TEKT1: variants seen among roughly 807,000 people sequenced by gnomAD.
TEKT1 encodes tektin 1.
TEKT1 carries 32 observed loss-of-function variants against 34.8 expected under a neutral mutation model. The ratio of observed to expected loss-of-function variants is 0.92; its 90% CI spans 0.69 to 1.23. The LOEUF is 1.23. TEKT1 is among the 50% of genes most tolerant of loss of function. The pLI is 0.00. For synonymous variants in TEKT1, 207 were observed against 199.8 expected (o/e 1.04, Z -0.30); for missense variants, 492 against 518.5 (o/e 0.95, Z 0.50).
chr17:6,802,545 A>C (rs994283792), intron 6 of TEKT1, among the ~76,000 whole-genome samples: 1 of 151,622 alleles, frequency 6.6e-6, no homozygotes, highest in African/African-American at 2.4e-5. Flanking sequence ...GGTTTGTTAC[A>C]TATGTATACA....
At chr17:6,813,084 C>A in intron 5 of TEKT1, 31 bp from the exon 6 acceptor site, 79 of 1,552,982 alleles carry the variant, frequency 5.1e-5, no homozygotes, top group Non-Finnish European at 6.4e-5. Context: ...TCATTCACAG[C>A]ATATTTGGGG....
rs1976950123 is a variant in TEKT1, at chr17:6,813,015, G to A, written c.668C>T (p.Thr223Ile). 6.2e-7 allele frequency: 1 copy of A among 1,613,996 alleles called. No individual in the cohort carries two copies. The highest frequency in any genetic ancestry group is 8.5e-7 in the Non-Finnish European group (1 of 1,180,034). Reference sequence around the variant, plus strand: ...CTGCTTGTCAGCCTTCTCCACATTGGTGCTGGAGAAGTCCAACCAGTCTTC... The same window carrying A: ...CTGCTTGTCAGCCTTCTCCACATTGATGCTGGAGAAGTCCAACCAGTCTTC... ...SLEDWLDFSS[T>I]NVEKADKQRN... Residue 223 changes from threonine to isoleucine, a missense_variant, in exon 6 of 8, where the codon ACC (threonine) becomes ATC (isoleucine). Coordinates refer to ENST00000338694, the MANE Select transcript of TEKT1 (RefSeq NM_053285.2).
At position 6,808,265 on chromosome 17, in the gene TEKT1, C is replaced by T. The variant is rs1378503322; in HGVS notation, c.852+4566G>A. The stretch of plus-strand genomic sequence containing the variant: ...CTCCGTGGGTGTAGGACCCTCCAAG[C>T]CATGTGCGGGATATAATCTCCTGGT... On this transcript the variant is annotated intron_variant, in intron 6 of 7. Transcript: ENST00000338694. Among the ~76,000 whole-genome samples the T allele has an allele frequency of 2.6e-5, 4 of 152,206 alleles. No homozygotes were observed. The East Asian group carries it at 7.7e-4, about 29-fold the overall frequency.
rs1976922270 is a variant in TEKT1, at chr17:6,811,179, A to G, written c.852+1652T>C. 6.6e-6 allele frequency among the ~76,000 whole-genome samples: 1 copy of G among 151,948 alleles called. No homozygotes were observed. The highest frequency in any genetic ancestry group is 2.4e-5 in the African/African-American group (1 of 41,368). On this transcript the variant is annotated intron_variant, in intron 6 of 7. Transcript: ENST00000338694. This position sits in a 1 kb window ranked among gnomAD's most constrained non-coding sequence, Gnocchi z 4.4. ...CTCAGATCCATCTTTCAAGGCCTAT[A>G]CTAAGTTCTTATTCCACCAGGAAGT...
intron 2 of TEKT1, among the ~76,000 whole-genome samples, chr17:6,820,574 A>G (rs933859557): frequency 8.5e-5 from 13 of 152,096 alleles, no homozygotes; most frequent in African/African-American, 3.1e-4. Flanking sequence ...CAGTTTCTTT[A>G]TATTATTAAT....
At chr17:6,827,331 G>A (rs374077899) in intron 2 of TEKT1, among the ~76,000 whole-genome samples, 3 of 147,956 alleles carry the variant, frequency 2.0e-5, no homozygotes, top group East Asian at 2.0e-4. Flanking sequence ...GCGTGATCTC[G>A]GCTCACTGCA....
At chr17:6,806,779 A>G (rs1054566130) in intron 6 of TEKT1, among the ~76,000 whole-genome samples, 1 of 152,208 alleles carries the variant, frequency 6.6e-6, no homozygotes, top group Non-Finnish European at 1.5e-5. Context: ...TTTCTTTAAG[A>G]ATGTTGAATA....
chr17:6,823,496 G>A (rs549097303), intron 2 of TEKT1, among the ~76,000 whole-genome samples: 1 of 152,194 alleles, frequency 6.6e-6, no homozygotes, highest in South Asian at 2.1e-4. Flanking sequence ...CATGCTTGGG[G>A]CATAGCTTTA....
At chr17:6,810,488 G>A (rs368899450) in intron 6 of TEKT1, among the ~76,000 whole-genome samples, 11 of 152,088 alleles carry the variant, frequency 7.2e-5, no homozygotes, top group East Asian at 1.9e-4. Flanking sequence ...GCAGAATATC[G>A]TCATGTGAAA....
At chr17:6,812,018 A>G (rs1003588249) in intron 6 of TEKT1, among the ~76,000 whole-genome samples, 2 of 151,974 alleles carry the variant, frequency 1.3e-5, no homozygotes, top group African/African-American at 4.8e-5. Context: ...TAATCCCCAC[A>G]TGTTGAGGGA....
At position 6,799,506 on chromosome 17, in the gene TEKT1, T is replaced by G. The variant is rs1382522458; in HGVS notation, c.*521A>C. On this transcript the variant is annotated 3_prime_UTR_variant, in exon 8 of 8. Transcript: ENST00000338694. ...TGAGTGGGGACTATTGGAGGTCCTA[T>G]ACTCAGATGGCAGACTCCGGAACCT... is the stretch of plus-strand genomic sequence containing the variant. 1 of 152,850 alleles carries G rather than the reference T, an allele frequency of 6.5e-6. No homozygotes were observed. Among genetic ancestry groups the G allele is most frequent in the Non-Finnish European group, 1.5e-5 (1 of 68,546 alleles). The allele number at this position is 152,850 out of a possible 1,614,324, so 9.5% of individuals were successfully genotyped here. A position where few individuals can be genotyped will look rare whatever the true frequency, so the allele number is the denominator to read the frequency against.
At position 6,830,396 on chromosome 17, in the gene TEKT1, G is replaced by A. The variant is rs766166760; in HGVS notation, c.-17-3C>T. On this transcript the variant is annotated splice_polypyrimidine_tract_variant and splice_region_variant and intron_variant, in intron 1 of 7. Coordinates refer to ENST00000338694, the MANE Select transcript of TEKT1 (RefSeq NM_053285.2). ...AGCCATTTGAGGTTTCCAAATTCCT[G>A]ATCAAAAGCAGACTCTTTTAGATTA... 1.5e-4 allele frequency: 237 copies of A among 1,535,038 alleles called. 1 individual carries two copies. In the South Asian group the frequency reaches 2.9e-3, roughly 19 times the overall value.
chr17:6,817,316 G>A (rs1376512624), intron 3 of TEKT1, among the ~76,000 whole-genome samples: 2 of 151,908 alleles, frequency 1.3e-5, no homozygotes, highest in Non-Finnish European at 2.9e-5. Context: ...TGGAGGTTTC[G>A]GTGGGCCGAG....
At chr17:6,813,169 T>C (rs1597789020) in intron 5 of TEKT1, 116 bp from the exon 6 acceptor site, 2 of 848,884 alleles carry the variant, frequency 2.4e-6, no homozygotes, top group East Asian at 5.4e-5. Flanking sequence ...TTACCCTATC[T>C]CTAGGCAGAG....
chr17:6,828,077 C>T (rs562528207), intron 2 of TEKT1, among the ~76,000 whole-genome samples: 3 of 152,114 alleles, frequency 2.0e-5, no homozygotes, highest in Admixed American at 6.5e-5. Flanking sequence ...CCTGAGTAAC[C>T]GGGACTACAG....
At position 6,810,866 on chromosome 17, in the gene TEKT1, G is replaced by A. The variant is rs567198668; in HGVS notation, c.852+1965C>T. Among the ~76,000 whole-genome samples, 6 of 152,220 alleles carry A rather than the reference G, an allele frequency of 3.9e-5. No homozygotes were observed. The South Asian group carries it at 8.3e-4, about 21-fold the overall frequency. ...CGATTCTCCTGCCTCAGCCTCCCGA[G>A]TAGCTGTGATTACAGGCGCCTGCCA... On this transcript the variant is annotated intron_variant, in intron 6 of 7. Transcript: ENST00000338694.
intron 2 of TEKT1, among the ~76,000 whole-genome samples, chr17:6,824,181 C>T (rs9901544): frequency 0.062 from 9,360 of 152,140 alleles, 825 homozygotes; most frequent in African/African-American, 0.19. Flanking sequence ...TCCACCTGAA[C>T]TTATGTTCCT....
Position 6,815,231 on chromosome 17 carries a change from G to A in TEKT1, c.561C>T (p.Ile187=). The part of the protein sequence containing the change: ...DKFVALTIDD[I]CFSLNNNSPN... ...GTGAGTTGTTGTTGAGCGAGAAGCA[G>A]ATATCATCTATGGTCAGGGCCACAA... Residue 187 remains isoleucine (I), a synonymous_variant, in exon 5 of 8, where the codon ATC becomes ATT. Transcript: ENST00000338694. The A allele has an allele frequency of 6.2e-7, 1 of 1,614,256 alleles. No homozygotes were observed. Among genetic ancestry groups the A allele is most frequent in the South Asian group, 1.1e-5 (1 of 91,088 alleles).
Position 6,803,383 on chromosome 17 carries a change from C to CA in TEKT1, c.853-2441dup, listed in dbSNP as rs1372736345. 2.6e-5 allele frequency among the ~76,000 whole-genome samples: 4 copies of CA among 152,118 alleles called. No homozygotes were observed. In the East Asian group the frequency reaches 5.8e-4, roughly 22 times the overall value. ...AGCCCTTTGTCAGATGAGTAGACTGCAAAAATTTTCTTCCATTCTGCAGGT... is the reference window on the plus strand; with the variant it reads ...AGCCCTTTGTCAGATGAGTAGACTGCAAAAAATTTTCTTCCATTCTGCAGGT... On this transcript the variant is annotated intron_variant, in intron 6 of 7. Coordinates refer to ENST00000338694, the MANE Select transcript of TEKT1 (RefSeq NM_053285.2).
Sources: allele counts gnomAD v4.1 joint callset (sites outside exome capture counted in the v4.1 genomes callset), GRCh38; gene constraint gnomAD v4.1.1; non-coding constraint Gnocchi (gnomAD v3.1); transcripts MANE v1.5; gene names NCBI Gene and HGNC (gene_info 2026-07-23, HGNC 2026-07-21).